The following MTHFD2L variants were observed in gnomAD, a reference collection of about 807,000 sequenced individuals.
The protein encoded by MTHFD2L is methylenetetrahydrofolate dehydrogenase (NADP+ dependent) 2 like.
Under a neutral mutation model 34.9 loss-of-function variants are expected in MTHFD2L, and 29 were observed. That is an observed-to-expected ratio of 0.83 (90% CI 0.62 to 1.13). The LOEUF (loss-of-function observed/expected upper bound fraction) is 1.13. MTHFD2L is among the 50% of genes most tolerant of loss of function. The probability of loss-of-function intolerance (pLI) is 0.00; values close to 1 mark genes in which losing one functional copy is unlikely to be tolerated. For missense variants in MTHFD2L, 481 were observed against 446.5 expected, an observed-to-expected ratio of 1.08 and a Z score of -0.70; for synonymous variants, 167 against 155.7, an observed-to-expected ratio of 1.07 and a Z score of -0.54.
chr4:74,150,476 A>G (rs1300918724), intron 1 of MTHFD2L, among the ~76,000 whole-genome samples: 1 of 152,188 alleles, frequency 6.6e-6, no homozygotes, highest in Non-Finnish European at 1.5e-5. Flanking sequence ...CTGGTCTCAA[A>G]CTGCCGACCT....
Position 74,172,705 on chromosome 4 carries a change from G to A in MTHFD2L, c.144-1801G>A, listed in dbSNP as rs147508818. Reference sequence around the variant, plus strand: ...ATTGTAGATGTGGATTGTGGGGTCTGGGAATCTGCAATTTCAGGCAGTTTT... The same window carrying A: ...ATTGTAGATGTGGATTGTGGGGTCTAGGAATCTGCAATTTCAGGCAGTTTT... On this transcript the variant is annotated intron_variant, in intron 1 of 7. Coordinates refer to ENST00000325278, the MANE Select transcript of MTHFD2L (RefSeq NM_001144978.3). Among the ~76,000 whole-genome samples the A allele has an allele frequency of 9.9e-3, 1,506 of 152,274 alleles. 13 individuals carry two copies. Among genetic ancestry groups the A allele is most frequent in the Non-Finnish European group, 0.015 (1,023 of 68,032 alleles).
chr4:74,267,404 C>A, intron 6 of MTHFD2L: 2 of 322,992 alleles, frequency 6.2e-6, no homozygotes, highest in Non-Finnish European at 8.2e-6. Context: ...TTCTTTCTTT[C>A]TTTTCTTTCT....
chr4:74,230,778 T>C (rs1196731774), intron 6 of MTHFD2L, among the ~76,000 whole-genome samples: 1 of 152,072 alleles, frequency 6.6e-6, no homozygotes, highest in African/African-American at 2.4e-5. Context: ...CAGTATCAAT[T>C]CTAAGATCAT....
intron 7 of MTHFD2L, among the ~76,000 whole-genome samples, chr4:74,290,242 A>G (rs1207661939): frequency 6.6e-6 from 1 of 152,212 alleles, no homozygotes; most frequent in Non-Finnish European, 1.5e-5. Context: ...TTGGAATTAC[A>G]TAGAAGCTCA....
chr4:74,251,417 C>A (rs1424756109), intron 6 of MTHFD2L, among the ~76,000 whole-genome samples: 1 of 152,184 alleles, frequency 6.6e-6, no homozygotes, highest in Non-Finnish European at 1.5e-5. Context: ...TGATTGTACT[C>A]CAGCTTCATC....
At chr4:74,169,795 G>T (rs958672867) in intron 1 of MTHFD2L, among the ~76,000 whole-genome samples, 2 of 151,976 alleles carry the variant, frequency 1.3e-5, no homozygotes, top group Admixed American at 1.3e-4. Flanking sequence ...AAATTCATAG[G>T]AAACAGTGAA....
chr4:74,143,950 T>C (rs1442884856), intron 1 of MTHFD2L, among the ~76,000 whole-genome samples: 3 of 152,172 alleles, frequency 2.0e-5, no homozygotes, highest in South Asian at 4.1e-4. Context: ...GAGTATGAAA[T>C]GAAATGAGAA....
At chr4:74,284,531 GTTTT>G (rs1019825319) in intron 7 of MTHFD2L, among the ~76,000 whole-genome samples, 1 of 143,784 alleles carries the variant, frequency 7.0e-6, no homozygotes, top group Non-Finnish European at 1.5e-5. Context: ...GGGGTTGTTT[GTTTT>G]TTTTTTTCTT....
Position 74,303,066 on chromosome 4 carries a change from T to C in MTHFD2L, c.*1257T>C, listed in dbSNP as rs1373401288. The C allele has an allele frequency of 6.6e-6, 1 of 152,154 alleles. No homozygotes were observed. The highest frequency in any genetic ancestry group is 2.4e-5 in the African/African-American group (1 of 41,446). 9.4% of individuals were successfully genotyped at this position (152,154 alleles called of 1,614,324 possible). On this transcript the variant is annotated 3_prime_UTR_variant, in exon 8 of 8. Coordinates refer to ENST00000325278, the MANE Select transcript of MTHFD2L (RefSeq NM_001144978.3). ...GACTTGATGTTTATAATTAATACCA[T>C]TACAACTGTATAATAAAAGCAATTT...
At chr4:74,225,539 CATT>C (rs1440436160) in intron 6 of MTHFD2L, 145 bp downstream of exon 6, 4 of 647,880 alleles carry the variant, frequency 6.2e-6, no homozygotes, top group Non-Finnish European at 1.1e-5. Context: ...TCTTGGCAAT[CATT>C]ATATCAGTCC....
Position 74,168,821 on chromosome 4 carries a change from A to G in MTHFD2L, c.144-5685A>G, listed in dbSNP as rs918518822. Among the ~76,000 whole-genome samples, 8 of 152,348 alleles carry G rather than the reference A, an allele frequency of 5.3e-5. No homozygotes were observed. In the South Asian group the frequency reaches 8.3e-4, roughly 16 times the overall value. On this transcript the variant is annotated intron_variant, in intron 1 of 7. Transcript: ENST00000325278. ...AGAAATTTTAGGAGATGTATTATTC[A>G]GGGGCTGAACATTTGAATTGTTGCT...
At chr4:74,153,923 T>G (rs1057158229), upstream of MTHFD2L, among the ~76,000 whole-genome samples, 1 of 152,228 alleles carries the variant, frequency 6.6e-6, no homozygotes, top group Non-Finnish European at 1.5e-5. Context: ...GTTTATACTT[T>G]ATTTAGATCT....
At chr4:74,254,213 A>G (rs1743692611) in intron 6 of MTHFD2L, among the ~76,000 whole-genome samples, 1 of 152,180 alleles carries the variant, frequency 6.6e-6, no homozygotes, top group African/African-American at 2.4e-5. Context: ...CCCCAAATAA[A>G]TTAAACATAA....
chr4:74,182,218 ATC>A (rs1477542239), intron 3 of MTHFD2L, among the ~76,000 whole-genome samples: 3 of 152,214 alleles, frequency 2.0e-5, no homozygotes, highest in African/African-American at 2.4e-5. Flanking sequence ...TAACCCTGTA[ATC>A]TGCCTTGTAT....
At chr4:74,135,503 A>C (rs1166320198) in intron 1 of MTHFD2L, among the ~76,000 whole-genome samples, 1 of 152,132 alleles carries the variant, frequency 6.6e-6, no homozygotes, top group Non-Finnish European at 1.5e-5. Context: ...AATCAAAGCC[A>C]TAATAAAAAG....
intron 5 of MTHFD2L, among the ~76,000 whole-genome samples, chr4:74,223,403 A>G (rs1232592533): frequency 6.6e-6 from 1 of 151,998 alleles, no homozygotes; most frequent in Admixed American, 6.6e-5. Flanking sequence ...ACTTATAAGT[A>G]GGAGCTAAAT....
intron 3 of MTHFD2L, among the ~76,000 whole-genome samples, chr4:74,184,933 A>C (rs949393293): frequency 6.6e-6 from 1 of 152,048 alleles, no homozygotes; most frequent in African/African-American, 2.4e-5. Context: ...GCAGATCAGG[A>C]GATTAGTAGA....
intron 6 of MTHFD2L, among the ~76,000 whole-genome samples, chr4:74,227,946 A>G (rs896434088): frequency 2.0e-5 from 3 of 152,176 alleles, no homozygotes; most frequent in African/African-American, 7.2e-5. Flanking sequence ...ATCAAATTTA[A>G]TAAAATATCT....
intron 1 of MTHFD2L, among the ~76,000 whole-genome samples, chr4:74,130,360 C>A (rs1451935110): frequency 6.6e-6 from 1 of 152,282 alleles, no homozygotes; most frequent in East Asian, 1.9e-4. Flanking sequence ...CAAACCTAAT[C>A]CAGCAGCACA....
Sources: allele counts gnomAD v4.1 joint callset (sites outside exome capture counted in the v4.1 genomes callset), GRCh38; gene constraint gnomAD v4.1.1; transcripts MANE v1.5; gene names NCBI Gene and HGNC (gene_info 2026-07-23, HGNC 2026-07-21).